Variants in CELF2 observed in about 807,000 individuals in gnomAD.
The protein encoded by CELF2 is CUG triplet repeat RNA-binding protein 2.
Under a neutral mutation model 62.6 loss-of-function variants are expected in CELF2, and 8 were observed. That is an observed-to-expected ratio of 0.13 (90% confidence interval 0.07 to 0.23). The LOEUF is 0.23. CELF2 is among the 10% of genes least tolerant of loss of function. The pLI, the probability that CELF2 is intolerant of heterozygous loss-of-function variation, is 1.00. For missense variants in CELF2, 333 were observed against 671.0 expected, an observed-to-expected ratio of 0.50 and a Z score of 5.56; for synonymous variants, 258 against 250.0, an observed-to-expected ratio of 1.03 and a Z score of -0.30.
the CELF2 span, among the ~76,000 whole-genome samples, chr10:10,491,153 A>T: frequency 6.6e-6 from 1 of 152,182 alleles, no homozygotes; most frequent in Non-Finnish European, 1.5e-5. Flanking sequence ...AGAGGAACTT[A>T]CTTGGCAAAG....
rs187712619 is a variant in CELF2 at position 11,304,237 on chromosome 10, C to T, written c.977-9902C>T. Among the ~76,000 whole-genome samples, 15 of 152,266 alleles carry T rather than the reference C, an allele frequency of 9.9e-5. No individual in the cohort carries two copies. The East Asian group carries it at 2.9e-3, about 29-fold the overall frequency. On this transcript the variant is annotated intron_variant, in intron 9 of 12. Transcript: ENST00000633077. ...TGCAGGCCACCAGCTTTACTTGGCT[C>T]ATGGCCCCTTCCTCCATCTTCAGAG...
intron 2 of CELF2, among the ~76,000 whole-genome samples, chr10:11,188,053 G>A (rs562724210): frequency 3.9e-5 from 6 of 152,146 alleles, no homozygotes; most frequent in South Asian, 2.1e-4. Flanking sequence ...CACCTTTTGT[G>A]TGTCTTTCAC....
At chr10:10,948,589 G>A (rs532570350) in intron 2 of CELF2, among the ~76,000 whole-genome samples, 113 of 152,206 alleles carry the variant, frequency 7.4e-4, no homozygotes, top group Admixed American at 9.2e-4. Flanking sequence ...AACATTTCAG[G>A]AGGCTTCAAG....
the CELF2 span, among the ~76,000 whole-genome samples, chr10:10,548,314 CT>C: frequency 2.0e-5 from 3 of 152,320 alleles, no homozygotes; most frequent in Non-Finnish European, 4.4e-5. Flanking sequence ...TGTGTTGTTT[CT>C]TCCTGGAGGG....
intron 9 of CELF2, among the ~76,000 whole-genome samples, chr10:11,291,632 T>C (rs2092539958): frequency 6.6e-6 from 1 of 152,198 alleles, no homozygotes; most frequent in South Asian, 2.1e-4. Flanking sequence ...TCATGTTTCT[T>C]GTCTTTTATT....
At chr10:10,823,042 A>T (rs2132021482) in intron 1 of CELF2, among the ~76,000 whole-genome samples, 1 of 152,330 alleles carries the variant, frequency 6.6e-6, no homozygotes, top group South Asian at 2.1e-4. Flanking sequence ...TATGTGGGTT[A>T]TTGAGAATAA....
intron 1 of CELF2, among the ~76,000 whole-genome samples, chr10:10,843,971 A>G (rs1267822951): frequency 6.6e-6 from 1 of 152,008 alleles, no homozygotes; most frequent in East Asian, 1.9e-4. Flanking sequence ...GTGGAAGGGA[A>G]TCATGAATAA....
At chr10:10,547,783 A>AAATG in the CELF2 span, among the ~76,000 whole-genome samples, 3 of 151,348 alleles carry the variant, frequency 2.0e-5, no homozygotes, top group African/African-American at 7.3e-5. Flanking sequence ...TGATTCATCA[A>AAATG]ATAGGTAAAA....
At chr10:11,169,809 A>C (rs1236221462) in intron 2 of CELF2, among the ~76,000 whole-genome samples, 1 of 152,192 alleles carries the variant, frequency 6.6e-6, no homozygotes, top group Non-Finnish European at 1.5e-5. Flanking sequence ...AGAGGACTTG[A>C]TAACTAAATT....
intron 1 of CELF2, among the ~76,000 whole-genome samples, chr10:10,875,759 G>A (rs1014870791): frequency 6.6e-6 from 1 of 152,116 alleles, no homozygotes; most frequent in Non-Finnish European, 1.5e-5. Flanking sequence ...AAAGGAACTT[G>A]CAGACTTCCA....
At chr10:10,967,882 G>A (rs570621151) in intron 2 of CELF2, among the ~76,000 whole-genome samples, 1 of 152,080 alleles carries the variant, frequency 6.6e-6, no homozygotes, top group East Asian at 1.9e-4. Context: ...GTTGTGCTTT[G>A]CAATGGGGAT....
At chr10:11,093,653 A>G (rs2048952869) in intron 1 of CELF2, among the ~76,000 whole-genome samples, 1 of 152,226 alleles carries the variant, frequency 6.6e-6, no homozygotes, top group South Asian at 2.1e-4. Flanking sequence ...ACTATAAAAT[A>G]GTTCAGCAAT....
intron 1 of CELF2, among the ~76,000 whole-genome samples, chr10:10,868,785 A>G (rs921185401): frequency 1.3e-5 from 2 of 152,254 alleles, no homozygotes; most frequent in Admixed American, 6.5e-5. Context: ...TGTGATATGT[A>G]TACTTTTTTC....
intron 1 of CELF2, among the ~76,000 whole-genome samples, chr10:10,838,508 T>C (rs2058457384): frequency 6.6e-6 from 1 of 152,246 alleles, no homozygotes; most frequent in Non-Finnish European, 1.5e-5. Flanking sequence ...TTTGGAATTC[T>C]TCTGCATGGA....
chr10:10,581,839 C>A, the CELF2 span, among the ~76,000 whole-genome samples: 1 of 152,054 alleles, frequency 6.6e-6, no homozygotes, highest in Non-Finnish European at 1.5e-5. Flanking sequence ...AACAGCCTGG[C>A]CAACATGGTG....
intron 1 of CELF2, among the ~76,000 whole-genome samples, chr10:11,089,800 G>A (rs528420797): frequency 5.3e-5 from 8 of 152,226 alleles, no homozygotes; most frequent in African/African-American, 1.9e-4. Flanking sequence ...GTGCCAGGTT[G>A]GATAAAGAAA....
intron 9 of CELF2, among the ~76,000 whole-genome samples, chr10:11,293,148 C>T (rs1314065877): frequency 6.6e-6 from 1 of 152,226 alleles, no homozygotes; most frequent in East Asian, 1.9e-4. Flanking sequence ...ACGCCGTCGG[C>T]CTTTACGCCA....
rs71378775 is a variant in CELF2, at chr10:11,025,239, G to GTATATATATA, written c.74+7081_74+7082insATATATATAT. Among the ~76,000 whole-genome samples, 36 of 141,078 alleles carry GTATATATATA rather than the reference G, an allele frequency of 2.6e-4. 1 individual carries two copies. Among genetic ancestry groups the GTATATATATA allele is most frequent in the African/African-American group, 7.9e-4 (31 of 39,142 alleles). The allele number at this position is 141,078 out of a possible 152,430, so 92.6% of individuals were successfully genotyped here. ...TGTGTGTGTGTGTGTGTGTGTGTGT[G>GTATATATATA]TATATGTATGTGACTGTATATCTGG... On this transcript the variant is annotated intron_variant, in intron 1 of 12. Coordinates refer to ENST00000633077, the MANE Select transcript of CELF2 (RefSeq NM_001326342.2).
chr10:11,068,765 T>G (rs1382658507), intron 1 of CELF2, among the ~76,000 whole-genome samples: 2 of 152,172 alleles, frequency 1.3e-5, no homozygotes, highest in Admixed American at 6.5e-5. Context: ...TTTCACCGTG[T>G]TAGCCAAGAT....
Sources: gnomAD v4.1 joint callset for allele counts (sites outside exome capture counted in the v4.1 genomes callset) on GRCh38, gnomAD v4.1.1 for gene constraint, MANE v1.5 for transcripts, NCBI Gene and HGNC (gene_info 2026-07-23, HGNC 2026-07-21) for gene names.